Variants in SGCZ observed in about 807,000 individuals in gnomAD.
The protein encoded by SGCZ is sarcoglycan zeta, also known as zeta-sarcoglycan.
In SGCZ, 40 loss-of-function variants were observed where a neutral mutation model predicts 41.3. The ratio of observed to expected loss-of-function variants is 0.97; its 90% CI spans 0.75 to 1.26. SGCZ has a LOEUF of 1.26. Among genes scored for constraint, SGCZ ranks in the 50% most tolerant of loss-of-function variants. The pLI is 0.00. For missense variants in SGCZ, 552 were observed against 369.8 expected (o/e 1.49, Z -4.04); for synonymous variants, 206 against 137.5 (o/e 1.50, Z -3.49).
chr8:14,118,861 C>A (rs568118551), intron 5 of SGCZ, among the ~76,000 whole-genome samples: 1 of 152,126 alleles, frequency 6.6e-6, no homozygotes, highest in East Asian at 1.9e-4. Context: ...TGTCAAAGAT[C>A]AGATGGTTGT....
intron 1 of SGCZ, among the ~76,000 whole-genome samples, chr8:14,854,592 C>T (rs751695489): frequency 5.3e-5 from 8 of 151,852 alleles, no homozygotes; most frequent in Non-Finnish European, 1.0e-4. Context: ...CAATAGTCAT[C>T]GTAGATATGA....
intron 3 of SGCZ, among the ~76,000 whole-genome samples, chr8:14,256,488 A>G (rs528922520): frequency 1.3e-5 from 2 of 151,084 alleles, no homozygotes; most frequent in East Asian, 1.9e-4. Flanking sequence ...TTCATGCTTA[A>G]TATTAAATCC....
intron 1 of SGCZ, among the ~76,000 whole-genome samples, chr8:14,913,258 T>C (rs973353487): frequency 6.6e-6 from 1 of 152,092 alleles, no homozygotes; most frequent in African/African-American, 2.4e-5. Flanking sequence ...AATGTAATTA[T>C]ATAATAAATG....
chr8:14,749,281 G>A (rs1799428672), intron 1 of SGCZ, among the ~76,000 whole-genome samples: 5 of 152,124 alleles, frequency 3.3e-5, no homozygotes, highest in African/African-American at 1.2e-4. Context: ...AAGTTAGAAT[G>A]GCCGCCAGAG....
At chr8:14,528,827 C>CAAAAAACA (rs1803032348) in intron 2 of SGCZ, among the ~76,000 whole-genome samples, 1 of 52,694 alleles carries the variant, frequency 1.9e-5, no homozygotes, top group African/African-American at 1.1e-4. Flanking sequence ...ACGGACCAGC[C>CAAAAAACA]AAAAAAAAAA....
intron 1 of SGCZ, among the ~76,000 whole-genome samples, chr8:15,147,635 A>C (rs918703602): frequency 6.6e-6 from 1 of 152,156 alleles, no homozygotes; most frequent in Non-Finnish European, 1.5e-5. Flanking sequence ...TGGGCAGGAC[A>C]CGATCCCTTA....
chr8:14,520,011 T>G (rs1422182004), intron 2 of SGCZ, among the ~76,000 whole-genome samples: 2 of 152,030 alleles, frequency 1.3e-5, no homozygotes, highest in African/African-American at 4.8e-5. Flanking sequence ...TTTTAAAACT[T>G]TTTTTTAAAA....
At chr8:14,850,944 A>C (rs1333422108) in intron 1 of SGCZ, among the ~76,000 whole-genome samples, 1 of 152,316 alleles carries the variant, frequency 6.6e-6, no homozygotes. Context: ...TGATTCAATT[A>C]AACCTCTTTC....
At chr8:14,649,754 C>T (rs993463547) in intron 1 of SGCZ, among the ~76,000 whole-genome samples, 14 of 152,016 alleles carry the variant, frequency 9.2e-5, no homozygotes, top group African/African-American at 3.4e-4. Flanking sequence ...GCCTGTGAGG[C>T]TGGCTAGTGC....
At chr8:14,208,468 A>C (rs1015762026) in intron 4 of SGCZ, among the ~76,000 whole-genome samples, 1 of 152,194 alleles carries the variant, frequency 6.6e-6, no homozygotes, top group African/African-American at 2.4e-5. Flanking sequence ...GAAAAAAGAA[A>C]AATATATAGA....
chr8:14,787,601 C>A (rs1048106151), intron 1 of SGCZ, among the ~76,000 whole-genome samples: 2 of 152,088 alleles, frequency 1.3e-5, no homozygotes, highest in Non-Finnish European at 2.9e-5. Flanking sequence ...AATCCCAGCA[C>A]TTTGGGGGAC....
chr8:14,392,093 C>T (rs1804798543), intron 2 of SGCZ, among the ~76,000 whole-genome samples: 1 of 152,072 alleles, frequency 6.6e-6, no homozygotes. Flanking sequence ...AAATGATCCC[C>T]AGGTTTCTGT....
chr8:14,468,811 G>A (rs1036486861), intron 2 of SGCZ, among the ~76,000 whole-genome samples: 1 of 151,966 alleles, frequency 6.6e-6, no homozygotes, highest in Non-Finnish European at 1.5e-5. Context: ...AATATAACAA[G>A]CTTATTGTGC....
chr8:14,279,182 A>T (rs1642660274), intron 3 of SGCZ, among the ~76,000 whole-genome samples: 1 of 151,842 alleles, frequency 6.6e-6, no homozygotes, highest in Admixed American at 6.6e-5. Context: ...TAGGTCCCTG[A>T]GGAGCAAGGG....
intron 1 of SGCZ, among the ~76,000 whole-genome samples, chr8:14,652,185 T>C (rs1807421481): frequency 6.6e-6 from 1 of 151,336 alleles, no homozygotes; most frequent in Non-Finnish European, 1.5e-5. Flanking sequence ...CTACTGAAAA[T>C]ACAAAATTAG....
chr8:14,499,502 G>C (rs1275435853), intron 2 of SGCZ, among the ~76,000 whole-genome samples: 2 of 151,804 alleles, frequency 1.3e-5, no homozygotes, highest in Non-Finnish European at 2.9e-5. Flanking sequence ...TATAATCTGA[G>C]CATTTCTGTT....
intron 1 of SGCZ, among the ~76,000 whole-genome samples, chr8:15,232,480 T>C (rs1801975207): frequency 1.3e-5 from 2 of 151,966 alleles, no homozygotes; most frequent in Admixed American, 6.6e-5. Flanking sequence ...TTCCCACAAA[T>C]GTATTTTTCT....
At chr8:14,502,614 A>C (rs1293178660) in intron 2 of SGCZ, among the ~76,000 whole-genome samples, 1 of 152,194 alleles carries the variant, frequency 6.6e-6, no homozygotes, top group African/African-American at 2.4e-5. Context: ...TTACAAGAAA[A>C]AAAACAACCC....
At chr8:14,558,439 G>A (rs1005973158) in intron 1 of SGCZ, among the ~76,000 whole-genome samples, 4 of 152,008 alleles carry the variant, frequency 2.6e-5, no homozygotes, top group Admixed American at 6.6e-5. Context: ...GCTGGGTGTG[G>A]TGGTGGGTGC....
Sources: gnomAD v4.1 joint callset for allele counts (sites outside exome capture counted in the v4.1 genomes callset) on GRCh38, gnomAD v4.1.1 for gene constraint, MANE v1.5 for transcripts, NCBI Gene and HGNC (gene_info 2026-07-23, HGNC 2026-07-21) for gene names.